Variants in TULP4 observed in about 807,000 individuals in gnomAD.
TULP4 encodes the protein TUB like protein 4.
In TULP4, 16 loss-of-function variants were observed where a neutral mutation model predicts 129.0. That is an observed-to-expected ratio of 0.12 (90% confidence interval 0.08 to 0.19). TULP4 has a LOEUF of 0.19. Ranked by LOEUF, TULP4 falls within the 10% of genes least tolerant of loss-of-function variation. The pLI, the probability that TULP4 is intolerant of heterozygous loss-of-function variation, is 1.00. For missense variants in TULP4, 1,842 were observed against 2,059.1 expected (o/e 0.89, Z 2.04); for synonymous variants, 998 against 854.0 (o/e 1.17, Z -2.94).
intron 1 of TULP4, among the ~76,000 whole-genome samples, chr6:158,284,022 C>T (rs1778799104): frequency 6.6e-6 from 1 of 152,158 alleles, no homozygotes. Context: ...AACTCTCCTA[C>T]TCTAAGCCCT....
At chr6:158,495,097 C>T (rs1222226643) in intron 11 of TULP4, among the ~76,000 whole-genome samples, 1 of 151,326 alleles carries the variant, frequency 6.6e-6, no homozygotes, top group African/African-American at 2.4e-5. Flanking sequence ...AGTGTCTTAC[C>T]CAGGCTGGAG....
chr6:158,284,059 A>G (rs1778799923), intron 1 of TULP4, among the ~76,000 whole-genome samples: 1 of 152,190 alleles, frequency 6.6e-6, no homozygotes, highest in African/African-American at 2.4e-5. Flanking sequence ...GATACAGCAA[A>G]CATCCGTTAA....
chr6:158,249,115 G>A (rs1173171274), intron 1 of TULP4, among the ~76,000 whole-genome samples: 1 of 151,154 alleles, frequency 6.6e-6, no homozygotes, highest in Admixed American at 6.6e-5. Flanking sequence ...AGAAAAAAGA[G>A]GTTGGGTCAT....
At chr6:158,356,955 A>G (rs1780662143) in intron 1 of TULP4, among the ~76,000 whole-genome samples, 1 of 152,204 alleles carries the variant, frequency 6.6e-6, no homozygotes, top group African/African-American at 2.4e-5. Context: ...AGCTGTGCCT[A>G]GCAACATGGG....
chr6:158,317,409 A>G (rs1267395224), intron 1 of TULP4, among the ~76,000 whole-genome samples: 1 of 150,404 alleles, frequency 6.6e-6, no homozygotes, highest in African/African-American at 2.4e-5. Flanking sequence ...GAGTGAGAAC[A>G]TGCGGTGTTT....
At chr6:158,242,202 A>G in intron 1 of TULP4, 1 of 1,360,878 alleles carries the variant, frequency 7.3e-7, no homozygotes. Flanking sequence ...CTGATAATGA[A>G]TGGTGGCAAA....
At chr6:158,356,029 G>A (rs1289968992) in intron 1 of TULP4, among the ~76,000 whole-genome samples, 2 of 152,188 alleles carry the variant, frequency 1.3e-5, no homozygotes, top group African/African-American at 2.4e-5. Context: ...GATTGTGGTG[G>A]TAGTTACATG....
At position 158,367,565 on chromosome 6, in the gene TULP4, A is replaced by T. The variant is rs546651673; in HGVS notation, c.253-45500A>T. 2.0e-5 allele frequency among the ~76,000 whole-genome samples: 3 copies of T among 152,364 alleles called. No homozygotes were observed. In the East Asian group the frequency reaches 5.8e-4, roughly 29 times the overall value. ...ATAGACCTACAAAAAGACTGAACAC[A>T]AACCAAAAACCCTTCCACCTTAATA... On this transcript the variant is annotated intron_variant, in intron 1 of 13. Transcript: ENST00000367097.
At chr6:158,439,104 G>C (rs903158054) in intron 3 of TULP4, among the ~76,000 whole-genome samples, 4 of 151,884 alleles carry the variant, frequency 2.6e-5, no homozygotes, top group African/African-American at 9.7e-5. Context: ...CCAGGAGGCG[G>C]AAGTTGCAGT....
intron 5 of TULP4, among the ~76,000 whole-genome samples, chr6:158,453,790 G>GAAA (rs1184468061): frequency 7.1e-5 from 8 of 112,892 alleles, no homozygotes; most frequent in Admixed American, 1.9e-4. Context: ...CTCTGTCTCG[G>GAAA]AAAAAAAAAA....
intron 1 of TULP4, among the ~76,000 whole-genome samples, chr6:158,412,170 T>C (rs1386270604): frequency 6.6e-6 from 1 of 152,198 alleles, no homozygotes; most frequent in East Asian, 1.9e-4. Context: ...ATTAGTCACA[T>C]AGCATGAATG....
In TULP4 at chr6:158,427,171, G is replaced by A. The variant is rs537381122; in HGVS notation, c.382-2565G>A. On this transcript the variant is annotated intron_variant, in intron 2 of 13. Coordinates refer to ENST00000367097, the MANE Select transcript of TULP4 (RefSeq NM_020245.5). The stretch of plus-strand genomic sequence containing the variant: ...AAAAAGGAATGAACTACTGACACAC[G>A]GAATTCAGATGACACTCAACATCTT... 2.6e-5 allele frequency among the ~76,000 whole-genome samples: 4 copies of A among 152,226 alleles called. No individual in the cohort carries two copies. The South Asian group carries it at 6.2e-4, about 24-fold the overall frequency.
chr6:158,482,749 ATCTGTATTGAGATTAAATG>A (rs1779975958), intron 8 of TULP4, among the ~76,000 whole-genome samples: 1 of 152,190 alleles, frequency 6.6e-6, no homozygotes, highest in Non-Finnish European at 1.5e-5. Flanking sequence ...ATTTTATAAA[ATCTGTATTGAGATTAAATG>A]TTGGCGATAA....
intron 1 of TULP4, among the ~76,000 whole-genome samples, chr6:158,336,832 G>A (rs1780045519): frequency 6.6e-6 from 1 of 151,994 alleles, no homozygotes; most frequent in Non-Finnish European, 1.5e-5. Flanking sequence ...TAGTCCCTAT[G>A]ACCAATTCAC....
chr6:158,509,807 G>A lies in TULP4; in HGVS notation c.*3113G>A, dbSNP rs543106530. ...CTGCGCCAAGGCAGACACAAGCTGCGGGCTGTGCGGTCCTAGTAGTGTGAC... is the reference window on the plus strand; with the variant it reads ...CTGCGCCAAGGCAGACACAAGCTGCAGGCTGTGCGGTCCTAGTAGTGTGAC... On this transcript the variant is annotated 3_prime_UTR_variant, in exon 14 of 14. Coordinates refer to ENST00000367097, the MANE Select transcript of TULP4 (RefSeq NM_020245.5). 1.3e-5 allele frequency: 2 copies of A among 152,342 alleles called. No individual in the cohort carries two copies. Among genetic ancestry groups the A allele is most frequent in the South Asian group, 2.1e-4 (1 of 4,820 alleles). The allele number at this position is 152,342 out of a possible 1,614,324, so 9.4% of individuals were successfully genotyped here.
intron 6 of TULP4, among the ~76,000 whole-genome samples, chr6:158,468,013 C>T (rs908041881): frequency 6.6e-6 from 1 of 152,328 alleles, no homozygotes; most frequent in South Asian, 2.1e-4. Flanking sequence ...GACCCAGCAA[C>T]GGATGAATAA....
intron 1 of TULP4, among the ~76,000 whole-genome samples, chr6:158,269,752 C>G (rs969632552): frequency 1.8e-4 from 28 of 152,184 alleles, no homozygotes; most frequent in Admixed American, 1.2e-3. Context: ...ACTATGTGGG[C>G]AGGTAATTAA....
chr6:158,314,380 C>T, intron 1 of TULP4, 112 bp downstream of exon 1: 1 of 1,286,102 alleles, frequency 7.8e-7, no homozygotes, highest in African/African-American at 1.5e-5. Flanking sequence ...CCTAGTGAGA[C>T]TTCCCATGCT....
At chr6:158,444,038 T>C (rs933828566) in intron 3 of TULP4, among the ~76,000 whole-genome samples, 3 of 151,508 alleles carry the variant, frequency 2.0e-5, no homozygotes, top group Non-Finnish European at 2.9e-5. Context: ...GCTAACACGG[T>C]GAAACCCCGT....
Sources: allele counts gnomAD v4.1 joint callset (sites outside exome capture counted in the v4.1 genomes callset), GRCh38; gene constraint gnomAD v4.1.1; transcripts MANE v1.5; gene names NCBI Gene and HGNC (gene_info 2026-07-23, HGNC 2026-07-21).